Variants in CTNNA2 observed in about 807,000 individuals in gnomAD.
CTNNA2 encodes catenin alpha-2.
A neutral mutation model predicts 101.0 loss-of-function variants in CTNNA2; 42 were observed. That is an observed-to-expected ratio of 0.42 (90% CI 0.32 to 0.54). The LOEUF (loss-of-function observed/expected upper bound fraction) is 0.54, where lower values mean the gene tolerates loss of function less well. CTNNA2 is among the 20% of genes least tolerant of loss of function. The probability of loss-of-function intolerance (pLI) is 0.14; values close to 1 mark genes in which losing one functional copy is unlikely to be tolerated. For synonymous variants in CTNNA2, 450 were observed against 456.4 expected (o/e 0.99, Z 0.18); for missense variants, 871 against 1,223.1 (o/e 0.71, Z 4.29).
intron 7 of CTNNA2, among the ~76,000 whole-genome samples, chr2:80,338,609 G>A (rs1279970402): frequency 6.6e-6 from 1 of 152,098 alleles, no homozygotes; most frequent in East Asian, 1.9e-4. Context: ...TTCTCTTTTG[G>A]CATCTGAGCA....
Position 80,302,545 on chromosome 2 carries a change from G to A in CTNNA2, c.1057-90666G>A. ...CCATGGTGCCCGTGACCACCTTGTG[G>A]ATCTGCACGGCGTTCTCGGCGTGCT... On this transcript the variant is annotated intron_variant, in intron 7 of 18. Coordinates refer to ENST00000402739, the MANE Select transcript of CTNNA2 (RefSeq NM_001282597.3). The surrounding 1 kb of genome is among the most constrained non-coding windows in gnomAD (Gnocchi z 6.4). 1 of 1,610,512 alleles carries A rather than the reference G, an allele frequency of 6.2e-7. No individual in the cohort carries two copies. The highest frequency in any genetic ancestry group is 1.3e-5 in the African/African-American group (1 of 75,068).
chr2:79,801,792 G>A (rs1242438918), intron 3 of CTNNA2, among the ~76,000 whole-genome samples: 3 of 152,026 alleles, frequency 2.0e-5, no homozygotes, highest in African/African-American at 7.2e-5. Context: ...AGGAGTTCGA[G>A]ACCAGCCTGA....
chr2:79,951,527 TG>T (rs1355697170), intron 7 of CTNNA2, among the ~76,000 whole-genome samples: 2 of 151,986 alleles, frequency 1.3e-5, no homozygotes, highest in Non-Finnish European at 2.9e-5. Flanking sequence ...TAGCTGGGCA[TG>T]GTGGTGTGCA....
At chr2:79,242,434 G>A (rs919791092) in intron 2 of CTNNA2, among the ~76,000 whole-genome samples, 6 of 152,014 alleles carry the variant, frequency 3.9e-5, no homozygotes, top group Non-Finnish European at 5.9e-5. Flanking sequence ...TCTAAAGTGG[G>A]GGCCGTCTTG....
At chr2:80,187,007 G>T (rs541764315) in intron 7 of CTNNA2, among the ~76,000 whole-genome samples, 1 of 152,204 alleles carries the variant, frequency 6.6e-6, no homozygotes, top group Admixed American at 6.5e-5. Context: ...GTGAATTATG[G>T]TGCTTGCTCC....
chr2:80,270,088 G>T (rs1673340037), intron 7 of CTNNA2, among the ~76,000 whole-genome samples: 1 of 152,292 alleles, frequency 6.6e-6, no homozygotes, highest in Admixed American at 6.5e-5. Flanking sequence ...AATATAATTT[G>T]TATTTACATA....
chr2:79,754,721 T>C (rs1672282701), intron 3 of CTNNA2, among the ~76,000 whole-genome samples: 1 of 152,150 alleles, frequency 6.6e-6, no homozygotes, highest in Admixed American at 6.5e-5. Context: ...GGGCTTCCTT[T>C]CTGTGCTGTG....
chr2:80,606,414 C>CACACACA (rs1558638318), intron 16 of CTNNA2, among the ~76,000 whole-genome samples: 184 of 51,610 alleles, frequency 3.6e-3, no homozygotes, highest in African/African-American at 0.013. Flanking sequence ...ACACACACAC[C>CACACACA]CCCCAGGATA....
At chr2:79,776,917 A>G (rs1385760650) in intron 3 of CTNNA2, 1 of 152,282 alleles carries the variant, frequency 6.6e-6, no homozygotes, top group South Asian at 2.1e-4. Flanking sequence ...TCTGTGAGTA[A>G]CCTAGAGCAT....
chr2:80,542,753 T>G (rs1242426762), intron 9 of CTNNA2, among the ~76,000 whole-genome samples: 1 of 152,132 alleles, frequency 6.6e-6, no homozygotes, highest in Non-Finnish European at 1.5e-5. Context: ...CATCTAAAAT[T>G]ATCACTATTT....
intron 2 of CTNNA2, among the ~76,000 whole-genome samples, chr2:79,684,433 A>G (rs973982405): frequency 6.6e-6 from 1 of 152,210 alleles, no homozygotes; most frequent in South Asian, 2.1e-4. Context: ...TTCTTAACAT[A>G]TTTAGCTAAA....
At chr2:80,194,764 T>C (rs1006712913) in intron 7 of CTNNA2, among the ~76,000 whole-genome samples, 1 of 149,950 alleles carries the variant, frequency 6.7e-6, no homozygotes, top group Non-Finnish European at 1.5e-5. Context: ...ATTCTATTAA[T>C]ATATTATATA....
intron 1 of CTNNA2, among the ~76,000 whole-genome samples, chr2:79,643,987 C>CTCTA (rs1225567201): frequency 4.6e-5 from 7 of 152,054 alleles, no homozygotes; most frequent in Non-Finnish European, 1.0e-4. Flanking sequence ...TCTGCTGTAT[C>CTCTA]TCTATCATGT....
At chr2:80,163,102 G>T in intron 7 of CTNNA2, 2 of 1,580,482 alleles carry the variant, frequency 1.3e-6, no homozygotes, top group East Asian at 4.5e-5. Context: ...AACTGCTTTG[G>T]TTTACCATCC....
At chr2:79,186,567 A>G (rs1673781457) in intron 1 of CTNNA2, among the ~76,000 whole-genome samples, 1 of 152,256 alleles carries the variant, frequency 6.6e-6, no homozygotes, top group African/African-American at 2.4e-5. Flanking sequence ...CTTGTCTCAC[A>G]TCACCAATAT....
At chr2:80,507,265 T>C (rs1482630056) in intron 9 of CTNNA2, among the ~76,000 whole-genome samples, 1 of 152,042 alleles carries the variant, frequency 6.6e-6, no homozygotes, top group Non-Finnish European at 1.5e-5. Flanking sequence ...TAACAGCCAA[T>C]GACTCTTTAC....
chr2:80,306,400 T>TTTTCTTTTCTTTTCTTTTCTTTC (rs1491389570), intron 7 of CTNNA2, among the ~76,000 whole-genome samples: 76 of 109,246 alleles, frequency 7.0e-4, no homozygotes, highest in African/African-American at 2.9e-3. Flanking sequence ...TTTTCTTTTC[T>TTTTCTTTTCTTTTCTTTTCTTTC]TTTCTTTCTT....
chr2:79,815,170 C>T (rs7578084), intron 3 of CTNNA2, among the ~76,000 whole-genome samples: 29,464 of 151,950 alleles, frequency 0.19, 3,367 homozygotes, highest in African/African-American at 0.32. Context: ...TTTGGATATT[C>T]GTTCTTTGTC....
chr2:79,391,762 A>T (rs1469703228), intron 4 of CTNNA2, among the ~76,000 whole-genome samples: 1 of 152,198 alleles, frequency 6.6e-6, no homozygotes, highest in Non-Finnish European at 1.5e-5. Flanking sequence ...ATTGTCCTTC[A>T]TATAAGTTTG....
Sources: gnomAD v4.1 joint callset for allele counts (sites outside exome capture counted in the v4.1 genomes callset) on GRCh38, gnomAD v4.1.1 for gene constraint, Gnocchi (gnomAD v3.1) non-coding constraint, MANE v1.5 for transcripts, NCBI Gene and HGNC (gene_info 2026-07-23, HGNC 2026-07-21) for gene names.